FMN2: variants seen among roughly 807,000 people sequenced by gnomAD.
FMN2 encodes formin-2.
Under a neutral mutation model 142.3 loss-of-function variants are expected in FMN2, and 51 were observed. The observed-to-expected ratio is 0.36, with a 90% CI of 0.29 to 0.45. FMN2 has a LOEUF of 0.45. FMN2 is among the 20% of genes least tolerant of loss of function. The pLI is 1.00. For synonymous variants in FMN2, 882 were observed against 869.8 expected (o/e 1.01, Z -0.25); for missense variants, 1,936 against 2,122.8 (o/e 0.91, Z 1.73).
rs531671336 is a variant in FMN2 at position 240,223,730 on chromosome 1, A to G, written c.4065+12495A>G. 2.7e-3 allele frequency among the ~76,000 whole-genome samples: 413 copies of G among 152,214 alleles called. 3 individuals are homozygous for G. In the South Asian group the frequency reaches 0.027, roughly 10 times the overall value. On this transcript the variant is annotated intron_variant, in intron 6 of 17. Coordinates refer to ENST00000319653, the MANE Select transcript of FMN2 (RefSeq NM_020066.5). ...GGACTTGAGAGGGTGTATGTGTCCAAGAATTTATCCATTTCTTCTAGATTT... is the reference window on the plus strand; with the variant it reads ...GGACTTGAGAGGGTGTATGTGTCCAGGAATTTATCCATTTCTTCTAGATTT...
intron 7 of FMN2, among the ~76,000 whole-genome samples, chr1:240,262,076 C>A (rs899100044): frequency 2.0e-5 from 3 of 151,628 alleles, no homozygotes; most frequent in African/African-American, 4.8e-5. Flanking sequence ...CAGTATAGCC[C>A]TTTTTTTTAA....
chr1:240,470,609 T>G (rs555580949), intron 16 of FMN2, among the ~76,000 whole-genome samples: 31 of 152,330 alleles, frequency 2.0e-4, no homozygotes, highest in African/African-American at 7.2e-4. Context: ...GGAGATGAAT[T>G]CTGTCATTAG....
chr1:240,191,122 G>C (rs2103353116), intron 4 of FMN2, among the ~76,000 whole-genome samples: 1 of 152,330 alleles, frequency 6.6e-6, no homozygotes, highest in African/African-American at 2.4e-5. Context: ...GGACTGCTTA[G>C]TCAGAGGCTT....
intron 14 of FMN2, among the ~76,000 whole-genome samples, chr1:240,370,169 C>T (rs1166271020): frequency 6.6e-6 from 1 of 152,140 alleles, no homozygotes; most frequent in Non-Finnish European, 1.5e-5. Context: ...TGGAATCCTG[C>T]TCCTGTTTGT....
intron 3 of FMN2, among the ~76,000 whole-genome samples, chr1:240,182,231 C>T (rs1361485424): frequency 6.6e-6 from 1 of 152,144 alleles, no homozygotes; most frequent in African/African-American, 2.4e-5. Context: ...TTTTCAAATT[C>T]ATGGAGAACC....
intron 8 of FMN2, among the ~76,000 whole-genome samples, chr1:240,299,639 T>C (rs1670123952): frequency 6.6e-6 from 1 of 152,174 alleles, no homozygotes; most frequent in South Asian, 2.1e-4. Flanking sequence ...TGCTTCCTTC[T>C]TGTTGATGTA....
chr1:240,437,594 G>T (rs574158226), intron 15 of FMN2, among the ~76,000 whole-genome samples: 1 of 152,114 alleles, frequency 6.6e-6, no homozygotes, highest in East Asian at 1.9e-4. Flanking sequence ...GAGCCACCGC[G>T]CCGGGCTGGG....
chr1:240,419,945 C>T (rs1558481673), intron 15 of FMN2, among the ~76,000 whole-genome samples: 1 of 152,146 alleles, frequency 6.6e-6, no homozygotes, highest in Non-Finnish European at 1.5e-5. Context: ...ATGCTATGCT[C>T]CACTAACCAT....
At chr1:240,256,415 A>G (rs1031086806) in intron 6 of FMN2, among the ~76,000 whole-genome samples, 27 of 152,124 alleles carry the variant, frequency 1.8e-4, no homozygotes, top group African/African-American at 6.3e-4. Flanking sequence ...TTTGGGAGAT[A>G]TCGTGCCTTA....
intron 1 of FMN2, among the ~76,000 whole-genome samples, chr1:240,113,147 G>A (rs571317761): frequency 6.6e-6 from 1 of 152,232 alleles, no homozygotes; most frequent in Non-Finnish European, 1.5e-5. Context: ...AAGGAGTAGA[G>A]TGAGGGGACT....
At chr1:240,169,467 T>A (rs1162452952) in intron 2 of FMN2, among the ~76,000 whole-genome samples, 1 of 152,106 alleles carries the variant, frequency 6.6e-6, no homozygotes, top group Non-Finnish European at 1.5e-5. Context: ...GATTTGATAT[T>A]GTTTTGTTTT....
At chr1:240,456,618 G>A (rs982270688) in intron 16 of FMN2, among the ~76,000 whole-genome samples, 14 of 152,180 alleles carry the variant, frequency 9.2e-5, no homozygotes, top group Middle Eastern at 3.4e-3. Flanking sequence ...CACCATGCCC[G>A]GCTAACTTTG....
chr1:240,408,783 A>G (rs1206912125), intron 15 of FMN2, among the ~76,000 whole-genome samples: 3 of 152,182 alleles, frequency 2.0e-5, no homozygotes, highest in African/African-American at 4.8e-5. Flanking sequence ...TTTACACGAA[A>G]AAAACTTAGA....
chr1:240,392,614 T>A (rs1187114693), intron 15 of FMN2, 52 bp downstream of exon 15: 1 of 1,436,362 alleles, frequency 7.0e-7, no homozygotes, highest in Middle Eastern at 1.8e-4. Flanking sequence ...ATGCTAAGTG[T>A]ATTTCATCTT....
Position 240,428,024 on chromosome 1 carries a change from T to C in FMN2, c.4911-10037T>C, listed in dbSNP as rs138460343. Among the ~76,000 whole-genome samples, 587 of 152,258 alleles carry C rather than the reference T, an allele frequency of 3.9e-3. 3 individuals carry two copies. Among genetic ancestry groups the C allele is most frequent in the African/African-American group, 0.013 (534 of 41,508 alleles). On this transcript the variant is annotated intron_variant, in intron 15 of 17. Coordinates refer to ENST00000319653, the MANE Select transcript of FMN2 (RefSeq NM_020066.5). The stretch of plus-strand genomic sequence containing the variant: ...CCTTATTTGGCATAGAGTTATTCAA[T>C]TGTGTGTTTCTTATACAGGAAATGC...
intron 2 of FMN2, among the ~76,000 whole-genome samples, chr1:240,141,749 A>G (rs1387070212): frequency 6.6e-6 from 1 of 152,174 alleles, no homozygotes; most frequent in Non-Finnish European, 1.5e-5. Context: ...ATTTTGTGCA[A>G]TGAAATGAAG....
intron 16 of FMN2, among the ~76,000 whole-genome samples, chr1:240,447,613 A>C (rs955261110): frequency 1.3e-5 from 2 of 152,136 alleles, no homozygotes; most frequent in African/African-American, 4.8e-5. Context: ...GGCTTTTGCC[A>C]TTATTTTTAT....
chr1:240,181,697 A>G (rs1572029044), intron 3 of FMN2, among the ~76,000 whole-genome samples: 1 of 152,216 alleles, frequency 6.6e-6, no homozygotes, highest in African/African-American at 2.4e-5. Context: ...ACTGGCTGGG[A>G]AAAAAGGAAG....
At chr1:240,283,813 G>A (rs1669493760) in intron 7 of FMN2, among the ~76,000 whole-genome samples, 1 of 152,108 alleles carries the variant, frequency 6.6e-6, no homozygotes, top group Non-Finnish European at 1.5e-5. Flanking sequence ...GCTTGAAATT[G>A]CTATTTTGTT....
Sources: allele counts gnomAD v4.1 joint callset (sites outside exome capture counted in the v4.1 genomes callset), GRCh38; gene constraint gnomAD v4.1.1; transcripts MANE v1.5; gene names NCBI Gene and HGNC (gene_info 2026-07-23, HGNC 2026-07-21).